The following MTARC1 variants were observed in gnomAD, a reference collection of about 807,000 sequenced individuals.
The protein encoded by MTARC1 is mitochondrial amidoxime reducing component 1, also known as mitochondrial amidoxime-reducing component 1.
MTARC1 carries 24 observed loss-of-function variants against 33.6 expected under a neutral mutation model. The observed-to-expected ratio is 0.72, with a 90% CI of 0.52 to 1.01. The LOEUF (loss-of-function observed/expected upper bound fraction) is 1.01. Ranked by LOEUF, MTARC1 falls within the 50% of genes least tolerant of loss-of-function variation. The pLI, the probability that MTARC1 is intolerant of heterozygous loss-of-function variation, is 0.00. For missense variants in MTARC1, 417 were observed against 445.7 expected (o/e 0.94, Z 0.58); for synonymous variants, 187 against 189.5 (o/e 0.99, Z 0.11).
chr1:220,797,493 C>T (rs1434987298), intron 3 of MTARC1, among the ~76,000 whole-genome samples: 1 of 152,134 alleles, frequency 6.6e-6, no homozygotes, highest in Non-Finnish European at 1.5e-5. Flanking sequence ...TTGTAAGTTG[C>T]ATAAAATAAG....
chr1:220,799,079 C>T (rs902836163), intron 4 of MTARC1: 1 of 985,248 alleles, frequency 1.0e-6, no homozygotes. Flanking sequence ...CATATTTCTG[C>T]CTAGGGTTAC....
intron 6 of MTARC1, 97 bp from the exon 7 acceptor site, chr1:220,813,195 T>A: frequency 6.5e-7 from 1 of 1,529,626 alleles, no homozygotes; most frequent in East Asian, 2.3e-5. Flanking sequence ...CCTCTCGAGC[T>A]GTGCGTGCGG....
intron 2 of MTARC1, among the ~76,000 whole-genome samples, chr1:220,792,777 T>C: frequency 6.6e-6 from 1 of 152,150 alleles, no homozygotes; most frequent in Admixed American, 6.5e-5. Flanking sequence ...TCCTTTAATA[T>C]TGTTTATATA....
At chr1:220,808,111 GT>G (rs1275052624) in intron 6 of MTARC1, among the ~76,000 whole-genome samples, 2 of 152,200 alleles carry the variant, frequency 1.3e-5, no homozygotes, top group African/African-American at 2.4e-5. Flanking sequence ...GTTGCTCGGT[GT>G]GGGGCATCCT....
At position 220,816,368 on chromosome 1, in the gene MTARC1, C is replaced by T. The variant is rs1382065875; in HGVS notation, c.*2950C>T. 1 of 152,186 alleles carries T rather than the reference C, an allele frequency of 6.6e-6. No individual in the cohort carries two copies. The highest frequency in any genetic ancestry group is 2.4e-5 in the African/African-American group (1 of 41,432). 9.4% of individuals were successfully genotyped at this position (152,186 alleles called of 1,614,324 possible). ...GAAAATGACAGAGTGGCTCTCAGAC[C>T]AGACCTTGATTGTGGGTATAATCGG... On this transcript the variant is annotated 3_prime_UTR_variant, in exon 7 of 7. Transcript: ENST00000366910.
At position 220,791,586 on chromosome 1, in the gene MTARC1, T is replaced by G. The variant is rs1379186037; in HGVS notation, c.371T>G (p.Leu124Arg). The G allele has an allele frequency of 2.5e-6, 4 of 1,614,144 alleles. No individual in the cohort carries two copies. Among genetic ancestry groups the G allele is most frequent in the Non-Finnish European group, 3.4e-6 (4 of 1,180,028 alleles). Residue 124 changes from leucine to arginine, a missense_variant, in exon 2 of 7, where the codon CTG (leucine) becomes CGG (arginine). Leu to Arg is a moderately radical substitution (Grantham distance 102, BLOSUM62 -2). Transcript: ENST00000366910. ...LISLTCDGDT[L>R]TLSAAYTKDL... The stretch of plus-strand genomic sequence containing the variant: ...TCCCTGACCTGCGATGGTGACACCC[T>G]GACTCTCAGTGCAGCCTACACAAAG...
intron 6 of MTARC1, among the ~76,000 whole-genome samples, chr1:220,812,228 G>C (rs1032129344): frequency 1.3e-5 from 2 of 152,244 alleles, no homozygotes; most frequent in Non-Finnish European, 2.9e-5. Context: ...AGAGGCACAG[G>C]TAAGGAGCAG....
At position 220,811,107 on chromosome 1, in the gene MTARC1, CA is replaced by C. The variant is rs560052071; in HGVS notation, c.888-2184del. Among the ~76,000 whole-genome samples, 392 of 152,268 alleles carry C rather than the reference CA, an allele frequency of 2.6e-3. 2 individuals are homozygous for C. The highest frequency in any genetic ancestry group is 9.2e-3 in the African/African-American group (382 of 41,568). On this transcript the variant is annotated intron_variant, in intron 6 of 6. Transcript: ENST00000366910. ...AGAGCTTGGCAGCAACGGAAACACC[CA>C]TACAAGCAGCTGATGTGTCCCCTGT...
chr1:220,806,504 G>T (rs1558092459), intron 6 of MTARC1, among the ~76,000 whole-genome samples: 2 of 152,202 alleles, frequency 1.3e-5, no homozygotes, highest in South Asian at 4.1e-4. Context: ...TGTGGAGCAG[G>T]ACTCATTCCC....
rs1358818627 is a variant in MTARC1 at position 220,818,502 on chromosome 1, A to C, written c.*5084A>C. ...AGTGCATTCACCCTTGCTGGTCCTC[A>C]GTCATGCTCCTTTACCTTTACAGAG... On this transcript the variant is annotated 3_prime_UTR_variant, in exon 7 of 7. Transcript: ENST00000366910. The C allele has an allele frequency of 6.6e-6, 1 of 152,128 alleles. No individual in the cohort carries two copies. The highest frequency in any genetic ancestry group is 1.5e-5 in the Non-Finnish European group (1 of 68,020). The allele number at this position is 152,128 out of a possible 1,614,324, so 9.4% of individuals were successfully genotyped here. A position where few individuals can be genotyped will look rare whatever the true frequency, so the allele number is the denominator to read the frequency against.
chr1:220,808,281 G>A (rs937815881), intron 6 of MTARC1, among the ~76,000 whole-genome samples: 1 of 152,234 alleles, frequency 6.6e-6, no homozygotes, highest in Non-Finnish European at 1.5e-5. Flanking sequence ...CAGAGTGAGG[G>A]TGGGAAGGCG....
intron 1 of MTARC1, among the ~76,000 whole-genome samples, 181 bp from the exon 2 acceptor site, chr1:220,791,310 A>T (rs1330771636): frequency 6.6e-6 from 1 of 152,128 alleles, no homozygotes. Context: ...TTTGAAATTA[A>T]GTGACAGACT....
intron 2 of MTARC1, among the ~76,000 whole-genome samples, chr1:220,792,200 C>A (rs531412333): frequency 6.6e-6 from 1 of 152,148 alleles, no homozygotes; most frequent in Non-Finnish European, 1.5e-5. Flanking sequence ...CCAGCGGCTG[C>A]CCAGGGGTCA....
intron 2 of MTARC1, among the ~76,000 whole-genome samples, chr1:220,795,849 A>G: frequency 6.6e-6 from 1 of 152,194 alleles, no homozygotes; most frequent in East Asian, 1.9e-4. Flanking sequence ...TATTACCACT[A>G]AACTGAAATT....
intron 2 of MTARC1, among the ~76,000 whole-genome samples, chr1:220,796,013 A>T (rs1672604453): frequency 6.6e-6 from 1 of 152,184 alleles, no homozygotes; most frequent in South Asian, 2.1e-4. Context: ...AATTCATATA[A>T]CGCCAAACAG....
intron 2 of MTARC1, among the ~76,000 whole-genome samples, chr1:220,794,959 G>A: frequency 6.6e-6 from 1 of 152,136 alleles, no homozygotes; most frequent in Non-Finnish European, 1.5e-5. Flanking sequence ...ACTGCTTAAT[G>A]TAACCCAGAC....
intron 2 of MTARC1, chr1:220,793,930 C>CA (rs1460370500): frequency 6.6e-6 from 1 of 152,154 alleles, no homozygotes; most frequent in Non-Finnish European, 1.5e-5. Flanking sequence ...GAAGGCAGAA[C>CA]AAATTCTACT....
intron 4 of MTARC1, 47 bp from the exon 5 acceptor site, chr1:220,805,005 G>T: frequency 2.5e-6 from 4 of 1,602,806 alleles, no homozygotes; most frequent in Non-Finnish European, 3.4e-6. Context: ...CACGTGTCAG[G>T]GGCAGGGCCC....
chr1:220,797,447 G>A (rs949758346), intron 3 of MTARC1, among the ~76,000 whole-genome samples: 3 of 152,116 alleles, frequency 2.0e-5, no homozygotes, highest in African/African-American at 4.8e-5. Context: ...AAAGAAACAA[G>A]CAAATGCATA....
Sources: allele counts gnomAD v4.1 joint callset (sites outside exome capture counted in the v4.1 genomes callset), GRCh38; gene constraint gnomAD v4.1.1; transcripts MANE v1.5; gene names NCBI Gene and HGNC (gene_info 2026-07-23, HGNC 2026-07-21).